SLC13A3: variants seen among roughly 807,000 people sequenced by gnomAD.
SLC13A3 encodes Na(+)/dicarboxylate cotransporter 3.
A neutral mutation model predicts 59.0 loss-of-function variants in SLC13A3; 40 were observed. The ratio of observed to expected loss-of-function variants is 0.68; its 90% CI spans 0.53 to 0.88. The LOEUF (loss-of-function observed/expected upper bound fraction) is 0.88, where lower values mean the gene tolerates loss of function less well. Among genes scored for constraint, SLC13A3 ranks in the 40% least tolerant of loss-of-function variants. SLC13A3 has a pLI of 0.00. For missense variants in SLC13A3, 699 were observed against 783.2 expected, an observed-to-expected ratio of 0.89 and a Z score of 1.28; for synonymous variants, 317 against 330.3, an observed-to-expected ratio of 0.96 and a Z score of 0.44.
intron 1 of SLC13A3, among the ~76,000 whole-genome samples, chr20:46,626,238 C>T (rs2062670368): frequency 6.8e-6 from 1 of 147,580 alleles, no homozygotes; most frequent in African/African-American, 2.5e-5. Flanking sequence ...CCCTCCTTTT[C>T]TCTTTCCTTC....
At chr20:46,657,007 C>CT (rs1006591016) in intron 1 of SLC13A3, among the ~76,000 whole-genome samples, 2 of 152,048 alleles carry the variant, frequency 1.3e-5, no homozygotes, top group African/African-American at 2.4e-5. Context: ...AGGTTTTCTA[C>CT]TTTTTTCGTT....
intron 1 of SLC13A3, among the ~76,000 whole-genome samples, chr20:46,675,274 G>C (rs916255452): frequency 6.6e-6 from 1 of 152,038 alleles, no homozygotes; most frequent in South Asian, 2.1e-4. Flanking sequence ...CTGTCACCCA[G>C]GCTAGAGTGC....
intron 4 of SLC13A3, among the ~76,000 whole-genome samples, chr20:46,599,768 C>T (rs2062353860): frequency 6.6e-6 from 1 of 152,078 alleles, no homozygotes; most frequent in Admixed American, 6.5e-5. Flanking sequence ...GCTGCCCTAC[C>T]CTTTCCATGT....
chr20:46,612,541 C>T (rs573305290), intron 2 of SLC13A3, among the ~76,000 whole-genome samples: 16 of 151,910 alleles, frequency 1.1e-4, no homozygotes, highest in Admixed American at 3.3e-4. Flanking sequence ...GCCTATCACT[C>T]GGTCTTGCCG....
At chr20:46,596,404 G>C in intron 4 of SLC13A3, 62 bp from the exon 5 acceptor site, 3 of 1,454,294 alleles carry the variant, frequency 2.1e-6, no homozygotes, top group Non-Finnish European at 2.9e-6. Flanking sequence ...CAGACTGCCT[G>C]GGAGTTGGGG....
At chr20:46,654,039 G>C (rs115255404), upstream of SLC13A3, among the ~76,000 whole-genome samples, 855 of 152,270 alleles carry the variant, frequency 5.6e-3, 4 homozygotes, top group African/African-American at 0.02. Context: ...GTTTTTCACA[G>C]AGGCTGCACT....
intron 1 of SLC13A3, among the ~76,000 whole-genome samples, chr20:46,676,712 C>T (rs979329539): frequency 6.6e-6 from 1 of 151,816 alleles, no homozygotes; most frequent in Admixed American, 6.6e-5. Flanking sequence ...TCAGCCTCCC[C>T]AGTCGCTGGG....
At chr20:46,600,195 A>G (rs1451541499) in intron 3 of SLC13A3, among the ~76,000 whole-genome samples, 158 bp from the exon 4 acceptor site, 2 of 129,998 alleles carry the variant, frequency 1.5e-5, no homozygotes, top group Non-Finnish European at 3.2e-5. Flanking sequence ...GAAGAGAGGG[A>G]GGAAGGGAGA....
intron 3 of SLC13A3, chr20:46,608,904 A>G: frequency 6.4e-7 from 1 of 1,550,738 alleles, no homozygotes; most frequent in Non-Finnish European, 8.7e-7. Flanking sequence ...TCATATTCAC[A>G]TTCCACCCGG....
intron 1 of SLC13A3, among the ~76,000 whole-genome samples, chr20:46,648,728 A>C (rs993540837): frequency 2.6e-5 from 4 of 152,106 alleles, no homozygotes; most frequent in African/African-American, 9.7e-5. Context: ...GACATAGTGA[A>C]ACCCCGTCTC....
At chr20:46,643,543 G>C (rs1306293264) in intron 1 of SLC13A3, among the ~76,000 whole-genome samples, 1 of 152,180 alleles carries the variant, frequency 6.6e-6, no homozygotes, top group Non-Finnish European at 1.5e-5. Context: ...CAGAGGGCAT[G>C]AGAGGTGGAG....
chr20:46,603,556 T>A (rs2062403245), intron 3 of SLC13A3, among the ~76,000 whole-genome samples: 2 of 151,498 alleles, frequency 1.3e-5, no homozygotes, highest in South Asian at 4.2e-4. Flanking sequence ...TGTATTTTTT[T>A]TTTTTTTTTT....
chr20:46,588,762 C>T (rs116760254), intron 7 of SLC13A3, among the ~76,000 whole-genome samples: 182 of 152,248 alleles, frequency 1.2e-3, no homozygotes, highest in African/African-American at 4.2e-3. Context: ...CAAAGCCACA[C>T]AGGACATGAG....
intron 3 of SLC13A3, among the ~76,000 whole-genome samples, chr20:46,609,744 G>A (rs2062473505): frequency 6.6e-6 from 1 of 152,210 alleles, no homozygotes; most frequent in African/African-American, 2.4e-5. Flanking sequence ...ATGCTCAATG[G>A]CATGTATCCA....
chr20:46,578,196 C>G (rs1251279874), intron 9 of SLC13A3, among the ~76,000 whole-genome samples: 1 of 151,658 alleles, frequency 6.6e-6, no homozygotes, highest in Non-Finnish European at 1.5e-5. Flanking sequence ...TCCCAAAGTG[C>G]TGGGATTACA....
At chr20:46,634,041 C>T (rs1489110325) in intron 1 of SLC13A3, among the ~76,000 whole-genome samples, 5 of 152,186 alleles carry the variant, frequency 3.3e-5, no homozygotes, top group African/African-American at 7.2e-5. Context: ...CCTATCCCCA[C>T]GGCTCAGCGA....
chr20:46,622,405 A>T (rs73908949), intron 1 of SLC13A3, among the ~76,000 whole-genome samples: 3,574 of 152,280 alleles, frequency 0.023, 130 homozygotes, highest in African/African-American at 0.08. Context: ...GAAAGATAGC[A>T]GGGAACAGTT....
At chr20:46,678,996 C>A (rs753735008) in intron 1 of SLC13A3, among the ~76,000 whole-genome samples, 4 of 152,262 alleles carry the variant, frequency 2.6e-5, no homozygotes, top group Middle Eastern at 3.4e-3. Context: ...ACTGCCTGCT[C>A]CCCCTTTGCC....
At chr20:46,567,891 G>A (rs948708315) in intron 10 of SLC13A3, among the ~76,000 whole-genome samples, 4 of 152,164 alleles carry the variant, frequency 2.6e-5, no homozygotes, top group Admixed American at 6.5e-5. Context: ...TAAAGCCACC[G>A]TTTGCTTAGA....
Sources: gnomAD v4.1 joint callset for allele counts (sites outside exome capture counted in the v4.1 genomes callset) on GRCh38, gnomAD v4.1.1 for gene constraint, MANE v1.5 for transcripts, NCBI Gene and HGNC (gene_info 2026-07-23, HGNC 2026-07-21) for gene names.